The following PDE7B variants were observed in gnomAD, a reference collection of about 807,000 sequenced individuals.
PDE7B encodes 3',5'-cyclic-AMP phosphodiesterase 7B.
A neutral mutation model predicts 56.2 loss-of-function variants in PDE7B; 29 were observed. That is an observed-to-expected ratio of 0.52 (90% CI 0.38 to 0.70). The LOEUF (loss-of-function observed/expected upper bound fraction) is 0.70. PDE7B is among the 30% of genes least tolerant of loss of function. The pLI, the probability that PDE7B is intolerant of heterozygous loss-of-function variation, is 0.00. For synonymous variants in PDE7B, 197 were observed against 196.9 expected, an observed-to-expected ratio of 1.00 and a Z score of 0.00; for missense variants, 490 against 565.0, an observed-to-expected ratio of 0.87 and a Z score of 1.35.
intron 2 of PDE7B, among the ~76,000 whole-genome samples, chr6:136,031,262 T>G (rs1776241282): frequency 6.6e-6 from 1 of 152,230 alleles, no homozygotes; most frequent in Admixed American, 6.5e-5. Flanking sequence ...CCAACAACCT[T>G]GACATCCCCA....
At chr6:135,987,350 A>G (rs904227033) in intron 2 of PDE7B, among the ~76,000 whole-genome samples, 2 of 152,082 alleles carry the variant, frequency 1.3e-5, no homozygotes, top group African/African-American at 4.8e-5. Flanking sequence ...TGGACTCTGT[A>G]TTGAGTAGGA....
In PDE7B at chr6:135,939,588, G is replaced by T. The variant is rs141623512; in HGVS notation, c.22-7876G>T. Among the ~76,000 whole-genome samples the T allele has an allele frequency of 9.4e-3, 1,426 of 152,270 alleles. 18 individuals carry two copies. The highest frequency in any genetic ancestry group is 0.033 in the African/African-American group (1,351 of 41,528). On this transcript the variant is annotated intron_variant, in intron 1 of 12. Transcript: ENST00000308191. ...GCTGCCACAGTGTGTAGAGATTGAG[G>T]CCTGACTATGCCACCCACATGGTAG...
At chr6:136,047,006 C>A (rs1281080386) in intron 2 of PDE7B, among the ~76,000 whole-genome samples, 1 of 152,064 alleles carries the variant, frequency 6.6e-6, no homozygotes, top group South Asian at 2.1e-4. Flanking sequence ...CAAGAGAGTG[C>A]AAAACAAAAG....
intron 1 of PDE7B, among the ~76,000 whole-genome samples, chr6:135,921,680 T>G (rs1774084371): frequency 6.6e-6 from 1 of 152,012 alleles, no homozygotes; most frequent in African/African-American, 2.4e-5. Context: ...ATAGAATATA[T>G]CTCCTAATTT....
intron 2 of PDE7B, among the ~76,000 whole-genome samples, chr6:135,956,523 A>G (rs985892089): frequency 3.9e-5 from 6 of 152,154 alleles, no homozygotes; most frequent in African/African-American, 1.2e-4. Context: ...TCATGCCTGT[A>G]ATCTCAGCAC....
At chr6:136,048,394 T>C (rs1227019044) in intron 2 of PDE7B, among the ~76,000 whole-genome samples, 1 of 152,132 alleles carries the variant, frequency 6.6e-6, no homozygotes, top group African/African-American at 2.4e-5. Flanking sequence ...TGGTGGTGGG[T>C]GCCTGTAACC....
intron 1 of PDE7B, among the ~76,000 whole-genome samples, chr6:135,909,021 T>C (rs1159107132): frequency 6.6e-6 from 1 of 152,222 alleles, no homozygotes; most frequent in Non-Finnish European, 1.5e-5. Flanking sequence ...GTTAAAGCAT[T>C]AAGTTATCAA....
At chr6:136,007,118 AG>A (rs781542999) in intron 2 of PDE7B, among the ~76,000 whole-genome samples, 10 of 152,298 alleles carry the variant, frequency 6.6e-5, no homozygotes, top group Middle Eastern at 3.4e-3. Flanking sequence ...TTTAACATAA[AG>A]GGATGTTGGA....
intron 1 of PDE7B, among the ~76,000 whole-genome samples, chr6:135,937,853 C>T (rs1342973595): frequency 6.6e-6 from 1 of 152,178 alleles, no homozygotes; most frequent in African/African-American, 2.4e-5. Flanking sequence ...TCATAAAACC[C>T]CATGATTTAC....
intron 3 of PDE7B, among the ~76,000 whole-genome samples, chr6:136,130,024 T>C (rs1489235191): frequency 3.3e-5 from 5 of 152,200 alleles, no homozygotes; most frequent in African/African-American, 1.2e-4. Context: ...TATTCATATT[T>C]TTTCCAATAT....
At chr6:135,954,958 G>A (rs536425215) in intron 2 of PDE7B, among the ~76,000 whole-genome samples, 22 of 152,154 alleles carry the variant, frequency 1.4e-4, no homozygotes, top group African/African-American at 5.1e-4. Context: ...CAACACAAGC[G>A]AAGTCCAAAC....
chr6:136,055,048 T>G (rs1027924107), intron 2 of PDE7B, among the ~76,000 whole-genome samples: 2 of 152,226 alleles, frequency 1.3e-5, no homozygotes, highest in African/African-American at 4.8e-5. Flanking sequence ...GAACTGTCTT[T>G]CATTGTGAGG....
chr6:136,090,662 G>A (rs1321637229), intron 2 of PDE7B, among the ~76,000 whole-genome samples: 2 of 152,190 alleles, frequency 1.3e-5, no homozygotes, highest in Non-Finnish European at 2.9e-5. Context: ...AAGTGTGCCA[G>A]TTACCCTCTT....
At chr6:135,857,351 A>G (rs921545990) in intron 1 of PDE7B, among the ~76,000 whole-genome samples, 4 of 152,192 alleles carry the variant, frequency 2.6e-5, no homozygotes, top group Non-Finnish European at 5.9e-5. Flanking sequence ...TCTTTCTACA[A>G]GATGAAAATT....
Position 136,032,181 on chromosome 6 carries a change from A to C in PDE7B, c.83-76550A>C, listed in dbSNP as rs962984028. ...CAAACAAAACACTGAGGCCCTCATCAGTTTGTCTAGGGAAATGAGGCCAGT... is the reference window on the plus strand; with the variant it reads ...CAAACAAAACACTGAGGCCCTCATCCGTTTGTCTAGGGAAATGAGGCCAGT... On this transcript the variant is annotated intron_variant, in intron 2 of 12. Transcript: ENST00000308191. Among the ~76,000 whole-genome samples, 33 of 152,324 alleles carry C rather than the reference A, an allele frequency of 2.2e-4. 1 individual carries two copies. Among genetic ancestry groups the C allele is most frequent in the South Asian group, 8.3e-4 (4 of 4,830 alleles).
Position 136,070,250 on chromosome 6 carries a change from T to C in PDE7B, c.83-38481T>C, listed in dbSNP as rs1464712343. On this transcript the variant is annotated intron_variant, in intron 2 of 12. Coordinates refer to ENST00000308191, the MANE Select transcript of PDE7B (RefSeq NM_018945.4). ...TTTTGATGCAACAACAGGAACAGTG[T>C]AATTAAAAGTGGATTAAGTCCTTGA... 4 of 152,090 alleles carry C rather than the reference T, an allele frequency of 2.6e-5. No homozygotes were observed. In the East Asian group the frequency reaches 7.7e-4, roughly 29 times the overall value. The allele number at this position is 152,090 out of a possible 1,614,324, so 9.4% of individuals were successfully genotyped here.
At chr6:136,152,329 GC>G (rs906770218) in intron 6 of PDE7B, among the ~76,000 whole-genome samples, 1 of 152,114 alleles carries the variant, frequency 6.6e-6, no homozygotes, top group African/African-American at 2.4e-5. Context: ...TTTTCAATAG[GC>G]TTTTTAAAAA....
At chr6:135,939,468 C>T (rs976679837) in intron 1 of PDE7B, among the ~76,000 whole-genome samples, 1 of 152,148 alleles carries the variant, frequency 6.6e-6, no homozygotes, top group Non-Finnish European at 1.5e-5. Context: ...GAAATCTGCT[C>T]TTTCACTGGA....
At chr6:135,871,611 G>T (rs1183083950) in intron 1 of PDE7B, among the ~76,000 whole-genome samples, 1 of 152,178 alleles carries the variant, frequency 6.6e-6, no homozygotes, top group African/African-American at 2.4e-5. Flanking sequence ...TTGAGAAAAA[G>T]AATTCTGGGG....
Sources: allele counts gnomAD v4.1 joint callset (sites outside exome capture counted in the v4.1 genomes callset), GRCh38; gene constraint gnomAD v4.1.1; transcripts MANE v1.5; gene names NCBI Gene and HGNC (gene_info 2026-07-23, HGNC 2026-07-21).